SLC22A15: variants seen among roughly 807,000 people sequenced by gnomAD.
The protein encoded by SLC22A15 is flipt 1.
A neutral mutation model predicts 62.7 loss-of-function variants in SLC22A15; 45 were observed. The ratio of observed to expected loss-of-function variants is 0.72; its 90% CI spans 0.56 to 0.92. The LOEUF is 0.92. Ranked by LOEUF, SLC22A15 falls within the 40% of genes least tolerant of loss-of-function variation. The pLI, the probability that SLC22A15 is intolerant of heterozygous loss-of-function variation, is 0.00. For missense variants in SLC22A15, 622 were observed against 665.6 expected, an observed-to-expected ratio of 0.93 and a Z score of 0.72; for synonymous variants, 264 against 267.0, an observed-to-expected ratio of 0.99 and a Z score of 0.11.
At chr1:116,047,510 A>G (rs1351413320) in intron 8 of SLC22A15, among the ~76,000 whole-genome samples, 1 of 152,184 alleles carries the variant, frequency 6.6e-6, no homozygotes, top group Non-Finnish European at 1.5e-5. Context: ...CAGAACAGGC[A>G]CTGTTATCCA....
intron 2 of SLC22A15, among the ~76,000 whole-genome samples, chr1:116,007,631 C>T (rs917145822): frequency 2.0e-5 from 3 of 152,146 alleles, no homozygotes; most frequent in African/African-American, 4.8e-5. Context: ...TTTAAAAATG[C>T]ACTCTGGGAT....
chr1:116,043,238 A>C (rs1243068488), intron 8 of SLC22A15, among the ~76,000 whole-genome samples: 1 of 152,200 alleles, frequency 6.6e-6, no homozygotes, highest in Non-Finnish European at 1.5e-5. Context: ...AGCCTGGCCA[A>C]CATGGTGAAA....
intron 8 of SLC22A15, among the ~76,000 whole-genome samples, chr1:116,037,738 C>T (rs1657671003): frequency 1.3e-5 from 2 of 152,116 alleles, no homozygotes; most frequent in South Asian, 4.2e-4. Context: ...CTCGTCATTA[C>T]AGCCAACCAC....
intron 4 of SLC22A15, among the ~76,000 whole-genome samples, chr1:116,026,292 G>T (rs935854073): frequency 6.6e-6 from 1 of 151,926 alleles, no homozygotes; most frequent in Non-Finnish European, 1.5e-5. Flanking sequence ...GGTGGCGGGC[G>T]CCTGTAATCC....
At chr1:116,024,765 G>T (rs1290855276) in intron 4 of SLC22A15, among the ~76,000 whole-genome samples, 1 of 152,106 alleles carries the variant, frequency 6.6e-6, no homozygotes, top group Non-Finnish European at 1.5e-5. Flanking sequence ...TCACAGACAG[G>T]GCCCAGCAGC....
chr1:116,014,400 C>T (rs1181151475), intron 2 of SLC22A15, among the ~76,000 whole-genome samples: 1 of 152,116 alleles, frequency 6.6e-6, no homozygotes, highest in Non-Finnish European at 1.5e-5. Context: ...CCCCTCAAAT[C>T]CTTTTTGAAA....
intron 4 of SLC22A15, among the ~76,000 whole-genome samples, chr1:116,021,283 CTT>C (rs1451714362): frequency 6.6e-6 from 1 of 152,106 alleles, no homozygotes; most frequent in Non-Finnish European, 1.5e-5. Context: ...TTTCACAGCC[CTT>C]TTTTGTTTTT....
At chr1:116,006,973 A>G (rs1349180178) in intron 2 of SLC22A15, among the ~76,000 whole-genome samples, 1 of 151,784 alleles carries the variant, frequency 6.6e-6, no homozygotes, top group Non-Finnish European at 1.5e-5. Flanking sequence ...CATTCCCATC[A>G]TGTGTAGCCA....
At chr1:115,983,151 G>A (rs369001639) in intron 1 of SLC22A15, among the ~76,000 whole-genome samples, 1 of 152,134 alleles carries the variant, frequency 6.6e-6, no homozygotes, top group Admixed American at 6.5e-5. Context: ...TTTTAACAAA[G>A]GGAATGAGCT....
intron 8 of SLC22A15, among the ~76,000 whole-genome samples, chr1:116,047,384 G>C (rs1036320176): frequency 6.6e-6 from 1 of 152,134 alleles, no homozygotes; most frequent in Non-Finnish European, 1.5e-5. Flanking sequence ...CCAAGATCGT[G>C]CCACTGCACT....
chr1:116,060,747 G>T (rs1469175735), intron 8 of SLC22A15, among the ~76,000 whole-genome samples: 1 of 152,146 alleles, frequency 6.6e-6, no homozygotes, highest in Non-Finnish European at 1.5e-5. Context: ...GATCTCAAAA[G>T]TTGAGAAACA....
At chr1:116,036,040 G>T (rs1360778277) in intron 7 of SLC22A15, among the ~76,000 whole-genome samples, 1 of 152,154 alleles carries the variant, frequency 6.6e-6, no homozygotes, top group East Asian at 1.9e-4. Context: ...TAATGCCCTT[G>T]TCATGAGGTT....
intron 8 of SLC22A15, among the ~76,000 whole-genome samples, chr1:116,059,321 C>G (rs145670877): frequency 1.3e-5 from 2 of 150,458 alleles, no homozygotes; most frequent in Non-Finnish European, 3.0e-5. Flanking sequence ...CAGCTTTACT[C>G]ATGAGAAGTG....
intron 2 of SLC22A15, among the ~76,000 whole-genome samples, chr1:115,994,746 A>T (rs1343590810): frequency 6.6e-6 from 1 of 152,188 alleles, no homozygotes; most frequent in East Asian, 1.9e-4. Flanking sequence ...TTTACTAAAA[A>T]CAAGGATGTT....
At chr1:116,031,251 C>G in intron 5 of SLC22A15, 115 bp from the exon 6 acceptor site, 1 of 745,222 alleles carries the variant, frequency 1.3e-6, no homozygotes, top group Non-Finnish European at 2.2e-6. Flanking sequence ...AACTTTAAGT[C>G]TAACATGGAA....
intron 1 of SLC22A15, among the ~76,000 whole-genome samples, chr1:115,990,131 C>A (rs867760370): frequency 2.6e-5 from 4 of 152,190 alleles, no homozygotes; most frequent in Admixed American, 6.5e-5. Flanking sequence ...CTTGGAGACA[C>A]AAGCAAGACA....
At chr1:116,051,422 C>T (rs1228374886) in intron 8 of SLC22A15, among the ~76,000 whole-genome samples, 1 of 152,110 alleles carries the variant, frequency 6.6e-6, no homozygotes, top group Non-Finnish European at 1.5e-5. Flanking sequence ...TACTTACAGC[C>T]AACTGATCTT....
chr1:116,054,945 G>T (rs1658161538), intron 8 of SLC22A15, among the ~76,000 whole-genome samples: 1 of 151,884 alleles, frequency 6.6e-6, no homozygotes. Flanking sequence ...GCCCACGAGA[G>T]AAAGCAGGAA....
intron 1 of SLC22A15, among the ~76,000 whole-genome samples, chr1:115,979,068 G>A (rs1285530919): frequency 6.6e-6 from 1 of 152,122 alleles, no homozygotes; most frequent in Non-Finnish European, 1.5e-5. Flanking sequence ...GACAGAGGTG[G>A]AAATTTTACA....
Sources: allele counts gnomAD v4.1 joint callset (sites outside exome capture counted in the v4.1 genomes callset), GRCh38; gene constraint gnomAD v4.1.1; transcripts MANE v1.5; gene names NCBI Gene and HGNC (gene_info 2026-07-23, HGNC 2026-07-21).